Variants in LHPP observed in about 807,000 individuals in gnomAD.
LHPP encodes phospholysine phosphohistidine inorganic pyrophosphate phosphatase, also known as hLHPP.
A neutral mutation model predicts 30.3 loss-of-function variants in LHPP; 24 were observed. That is an observed-to-expected ratio of 0.79 (90% CI 0.57 to 1.11). The LOEUF is 1.11. Ranked by LOEUF, LHPP falls within the 50% of genes most tolerant of loss-of-function variation. LHPP has a pLI of 0.00. For synonymous variants in LHPP, 150 were observed against 157.1 expected (o/e 0.95, Z 0.34); for missense variants, 356 against 367.2 (o/e 0.97, Z 0.25).
chr10:124,514,360 A>C (rs960571722), intron 5 of LHPP, among the ~76,000 whole-genome samples: 4 of 152,060 alleles, frequency 2.6e-5, no homozygotes, highest in Non-Finnish European at 5.9e-5. Flanking sequence ...CTTCTTCTAC[A>C]TTTCTTGTAG....
intron 1 of LHPP, among the ~76,000 whole-genome samples, chr10:124,468,348 C>T (rs12569408): frequency 0.031 from 4,744 of 152,248 alleles, 163 homozygotes; most frequent in East Asian, 0.14. Flanking sequence ...AATGTAATAA[C>T]AATCCCGAAA....
intron 5 of LHPP, chr10:124,498,654 CTT>C (rs1953803572): frequency 2.1e-6 from 1 of 466,624 alleles, no homozygotes; most frequent in South Asian, 2.1e-5. Context: ...GTTTTCTTTT[CTT>C]TTTCTTTTTT....
rs1001734371 is a variant in LHPP at position 124,520,451 on chromosome 10, C to T, written c.716+3180C>T. 4.6e-5 allele frequency among the ~76,000 whole-genome samples: 7 copies of T among 152,138 alleles called. No homozygotes were observed. In the South Asian group the frequency reaches 1.4e-3, roughly 31 times the overall value. On this transcript the variant is annotated intron_variant, in intron 6 of 6. Coordinates refer to ENST00000368842, the MANE Select transcript of LHPP (RefSeq NM_022126.4). ...GCGGCCACTACTGTCCATATCCATC[C>T]GTATCCATGCATATCCATCCATATC... is the stretch of plus-strand genomic sequence containing the variant.
rs1948709663 is a variant in LHPP at position 124,578,994 on chromosome 10, T to A, written c.717-34270T>A. On this transcript the variant is annotated intron_variant, in intron 6 of 6. Coordinates refer to ENST00000368842, the MANE Select transcript of LHPP (RefSeq NM_022126.4). The stretch of plus-strand genomic sequence containing the variant: ...GGTCCGCTGTGTAAGCCTGGGAAAT[T>A]CTGGCTGCTTGAAGCTGGCACACTC... Among the ~76,000 whole-genome samples the A allele has an allele frequency of 2.0e-5, 3 of 152,170 alleles. No individual in the cohort carries two copies. In the South Asian group the frequency reaches 6.2e-4, roughly 32 times the overall value.
intron 5 of LHPP, chr10:124,498,345 G>C: frequency 6.4e-7 from 1 of 1,570,684 alleles, no homozygotes; most frequent in Non-Finnish European, 8.6e-7. Flanking sequence ...CAGTATGAAA[G>C]CAAGAAGCAG....
At chr10:124,498,943 G>A (rs533964318) in intron 5 of LHPP, among the ~76,000 whole-genome samples, 4 of 149,326 alleles carry the variant, frequency 2.7e-5, no homozygotes, top group South Asian at 4.3e-4. Context: ...GTGCAGTGGC[G>A]CTGTCTCGGC....
chr10:124,518,761 C>T (rs1384497277), intron 6 of LHPP, among the ~76,000 whole-genome samples: 1 of 152,216 alleles, frequency 6.6e-6, no homozygotes, highest in East Asian at 1.9e-4. Flanking sequence ...GAATGGGCCT[C>T]TGAAGAAGGC....
chr10:124,476,557 G>A (rs925337222), intron 1 of LHPP, among the ~76,000 whole-genome samples: 19 of 152,264 alleles, frequency 1.2e-4, no homozygotes, highest in East Asian at 5.8e-4. Flanking sequence ...CAGACCCCAC[G>A]CCCAGGGGAC....
chr10:124,527,961 A>G (rs11245262), intron 6 of LHPP, among the ~76,000 whole-genome samples: 78,959 of 151,590 alleles, frequency 0.52, 21,176 homozygotes, highest in South Asian at 0.68. Context: ...TAAATTTTTT[A>G]TAAAGATGGA....
intron 6 of LHPP, among the ~76,000 whole-genome samples, chr10:124,522,731 C>G (rs1032619745): frequency 2.1e-4 from 32 of 148,880 alleles, no homozygotes; most frequent in Non-Finnish European, 3.3e-4. Flanking sequence ...ACGCCCCCCC[C>G]CAAGCACTGT....
intron 6 of LHPP, among the ~76,000 whole-genome samples, chr10:124,554,563 G>A (rs1019624516): frequency 5.9e-5 from 9 of 152,234 alleles, no homozygotes; most frequent in East Asian, 1.9e-4. Flanking sequence ...CCTAGTGCCC[G>A]GTGCAGAGCC....
Position 124,483,714 on chromosome 10 carries a change from G to A in LHPP, c.126-425G>A, listed in dbSNP as rs534174183. ...GGAGGTTGCAGTGAGCTGAGATCAT[G>A]CCACTGCACTCCAGCCTGGGCGACA... On this transcript the variant is annotated intron_variant, in intron 1 of 6. Transcript: ENST00000368842. Among the ~76,000 whole-genome samples the A allele has an allele frequency of 1.1e-4, 16 of 152,240 alleles. 1 individual carries two copies. The highest frequency in any genetic ancestry group is 3.9e-4 in the East Asian group (2 of 5,176).
At chr10:124,580,163 C>T (rs904849318) in intron 6 of LHPP, among the ~76,000 whole-genome samples, 8 of 152,216 alleles carry the variant, frequency 5.3e-5, no homozygotes, top group African/African-American at 9.6e-5. Flanking sequence ...CACTCCCACT[C>T]GTTTGTCAGT....
intron 1 of LHPP, among the ~76,000 whole-genome samples, chr10:124,469,640 T>G (rs1001298755): frequency 2.6e-5 from 4 of 152,052 alleles, no homozygotes; most frequent in Admixed American, 6.6e-5. Flanking sequence ...ATTTATTCCT[T>G]TTTTATTTTT....
chr10:124,602,848 C>T (rs1949041465), intron 6 of LHPP, among the ~76,000 whole-genome samples: 1 of 152,240 alleles, frequency 6.6e-6, no homozygotes, highest in Middle Eastern at 3.2e-3. Context: ...GGCCGAGGGG[C>T]AGGAGACGCA....
intron 6 of LHPP, among the ~76,000 whole-genome samples, chr10:124,558,925 G>A (rs373047341): frequency 2.6e-5 from 4 of 152,266 alleles, no homozygotes; most frequent in Middle Eastern, 3.4e-3. Context: ...TTTTTCTCTC[G>A]ACCTTTTCTG....
intron 6 of LHPP, among the ~76,000 whole-genome samples, chr10:124,586,069 CCA>C (rs5788674): frequency 0.13 from 20,240 of 152,170 alleles, 1,813 homozygotes; most frequent in Non-Finnish European, 0.2. Context: ...CAGGCGTGAG[CCA>C]CACTACACCC....
At chr10:124,591,724 A>G (rs901527763) in intron 6 of LHPP, among the ~76,000 whole-genome samples, 7 of 151,944 alleles carry the variant, frequency 4.6e-5, no homozygotes, top group Admixed American at 6.6e-5. Context: ...GGTACTATGA[A>G]TTTCCCTCTG....
chr10:124,467,705 T>C (rs1186648800), intron 1 of LHPP, among the ~76,000 whole-genome samples: 1 of 131,254 alleles, frequency 7.6e-6, no homozygotes, highest in Non-Finnish European at 1.7e-5. Flanking sequence ...TGTGTGTGTG[T>C]GTTTTTTGTT....
Sources: allele counts gnomAD v4.1 joint callset (sites outside exome capture counted in the v4.1 genomes callset), GRCh38; gene constraint gnomAD v4.1.1; transcripts MANE v1.5; gene names NCBI Gene and HGNC (gene_info 2026-07-23, HGNC 2026-07-21).